Variants in PTGER3 observed in about 807,000 individuals in gnomAD.
PTGER3 encodes the protein prostaglandin E2 receptor EP3 subtype.
In PTGER3, 22 loss-of-function variants were observed where a neutral mutation model predicts 34.7. That is an observed-to-expected ratio of 0.63 (90% CI 0.45 to 0.91). PTGER3 has a LOEUF of 0.91. PTGER3 is among the 40% of genes least tolerant of loss of function. PTGER3 has a pLI of 0.00. For synonymous variants in PTGER3, 241 were observed against 230.1 expected (o/e 1.05, Z -0.43); for missense variants, 468 against 519.4 (o/e 0.90, Z 0.96).
chr1:70,940,965 C>A (rs1410720081), intron 4 of PTGER3, among the ~76,000 whole-genome samples: 1 of 152,046 alleles, frequency 6.6e-6, no homozygotes, highest in African/African-American at 2.4e-5. Flanking sequence ...AGCAGGTTAA[C>A]AAAAATGTAA....
rs1660889215 is a variant in PTGER3, at chr1:71,046,986, G to A, written c.592C>T (p.Gln198Ter). The A allele has an allele frequency of 6.2e-7, 1 of 1,611,708 alleles. No individual in the cohort carries two copies. Among genetic ancestry groups the A allele is most frequent in the Non-Finnish European group, 8.5e-7 (1 of 1,179,254 alleles). Residue 198 changes from glutamine (Q) to a stop codon, truncating the protein, a stop_gained, in exon 1 of 4, where the codon CAG becomes TAG. Coordinates refer to ENST00000306666, the MANE Select transcript of PTGER3 (RefSeq NM_198719.2). LOFTEE classifies it high-confidence loss of function. ...FALLPVLGVG[Q>*]YTVQWPGTWC... Reference sequence around the variant, plus strand: ...GTCCCGGGCCACTGGACGGTGTACTGGCCCACGCCCAGCACCGGCAGCAGG... The same window carrying A: ...GTCCCGGGCCACTGGACGGTGTACTAGCCCACGCCCAGCACCGGCAGCAGG...
chr1:71,040,623 G>C (rs536317637), intron 1 of PTGER3, among the ~76,000 whole-genome samples: 1 of 151,782 alleles, frequency 6.6e-6, no homozygotes, highest in Non-Finnish European at 1.5e-5. Context: ...AAAAAAAAAA[G>C]TATTCAGTCA....
chr1:70,942,492 T>C (rs1345705266), intron 4 of PTGER3, among the ~76,000 whole-genome samples: 4 of 152,204 alleles, frequency 2.6e-5, no homozygotes, highest in African/African-American at 4.8e-5. Flanking sequence ...TACCAGACTA[T>C]TTAAAATTCC....
intron 4 of PTGER3, among the ~76,000 whole-genome samples, chr1:70,933,693 T>C (rs1050458230): frequency 2.0e-5 from 3 of 152,202 alleles, no homozygotes; most frequent in African/African-American, 7.2e-5. Flanking sequence ...CAATTTGTCC[T>C]CTGGCAAACA....
chr1:71,007,261 G>A, intron 2 of PTGER3: 1 of 985,402 alleles, frequency 1.0e-6, no homozygotes, highest in Non-Finnish European at 1.2e-6. Context: ...GTTACAAACA[G>A]ATCAAAATAA....
At chr1:70,976,577 T>C (rs186423498) in intron 2 of PTGER3, among the ~76,000 whole-genome samples, 124 of 152,274 alleles carry the variant, frequency 8.1e-4, no homozygotes, top group Admixed American at 2.0e-3. Context: ...GTTACTACTG[T>C]TTCTGACCAA....
chr1:70,979,448 G>A (rs1043207455), intron 2 of PTGER3, among the ~76,000 whole-genome samples: 3 of 151,872 alleles, frequency 2.0e-5, no homozygotes, highest in African/African-American at 7.3e-5. Flanking sequence ...TCTGTACAGA[G>A]AATACAGACA....
chr1:70,874,812 T>A (rs926566719), intron 4 of PTGER3, among the ~76,000 whole-genome samples: 4 of 152,086 alleles, frequency 2.6e-5, no homozygotes, highest in South Asian at 4.1e-4. Flanking sequence ...TTCAGAATAA[T>A]TCATTTTATG....
intron 2 of PTGER3, among the ~76,000 whole-genome samples, chr1:70,988,903 A>T (rs2100759974): frequency 6.6e-6 from 1 of 152,306 alleles, no homozygotes; most frequent in South Asian, 2.1e-4. Context: ...CATTATAGCT[A>T]GCCTAAAATG....
chr1:70,856,268 A>T (rs1052522885), intron 4 of PTGER3, among the ~76,000 whole-genome samples: 1 of 152,004 alleles, frequency 6.6e-6, no homozygotes, highest in African/African-American at 2.4e-5. Flanking sequence ...TGATTATTGA[A>T]GACATAAAAA....
chr1:71,031,100 T>C (rs1173730675), intron 1 of PTGER3, among the ~76,000 whole-genome samples: 2 of 152,094 alleles, frequency 1.3e-5, no homozygotes, highest in East Asian at 1.9e-4. Context: ...TTAGGTAATA[T>C]ATGGAAAGGG....
intron 1 of PTGER3, among the ~76,000 whole-genome samples, chr1:71,027,270 G>C (rs1659010852): frequency 6.6e-6 from 1 of 151,894 alleles, no homozygotes; most frequent in Non-Finnish European, 1.5e-5. Flanking sequence ...TGGGTTCAAG[G>C]GTTCCTCCCT....
chr1:70,983,417 C>T (rs889444443), intron 2 of PTGER3, among the ~76,000 whole-genome samples: 1 of 152,132 alleles, frequency 6.6e-6, no homozygotes. Flanking sequence ...CTTGTTTCTG[C>T]TCTATGCCCA....
chr1:71,012,256 G>C, intron 2 of PTGER3, 49 bp downstream of exon 2: 2 of 1,613,936 alleles, frequency 1.2e-6, no homozygotes, highest in Non-Finnish European at 1.7e-6. Context: ...AATGAGATAG[G>C]CTGCCCTTTC....
intron 1 of PTGER3, among the ~76,000 whole-genome samples, chr1:71,038,650 A>C (rs551357896): frequency 6.6e-6 from 1 of 152,344 alleles, no homozygotes; most frequent in East Asian, 1.9e-4. Context: ...GTGGTCCCAG[A>C]GAATATCTGG....
chr1:70,904,012 G>A (rs1008273738), intron 4 of PTGER3, among the ~76,000 whole-genome samples: 3 of 152,176 alleles, frequency 2.0e-5, no homozygotes, highest in African/African-American at 7.2e-5. Flanking sequence ...AGAACCCAGT[G>A]GGAGGTGATT....
intron 2 of PTGER3, among the ~76,000 whole-genome samples, chr1:70,993,514 T>C (rs892880488): frequency 6.6e-6 from 1 of 152,196 alleles, no homozygotes; most frequent in African/African-American, 2.4e-5. Flanking sequence ...CATGTTAGGC[T>C]CTCCTTTTGC....
intron 4 of PTGER3, among the ~76,000 whole-genome samples, chr1:70,868,462 T>A (rs1435396282): frequency 6.6e-6 from 1 of 152,220 alleles, no homozygotes; most frequent in Non-Finnish European, 1.5e-5. Context: ...AAGCTCACAC[T>A]GAGTTCTCCT....
At chr1:70,989,904 C>G (rs1655273795) in intron 2 of PTGER3, among the ~76,000 whole-genome samples, 1 of 151,962 alleles carries the variant, frequency 6.6e-6, no homozygotes, top group South Asian at 2.1e-4. Context: ...CACACGCACA[C>G]ACACACATGC....
Sources: allele counts gnomAD v4.1 joint callset (sites outside exome capture counted in the v4.1 genomes callset), GRCh38; gene constraint gnomAD v4.1.1; transcripts MANE v1.5; gene names NCBI Gene and HGNC (gene_info 2026-07-23, HGNC 2026-07-21).